Variants in EI24 observed in about 807,000 individuals in gnomAD.
EI24 encodes EI24 autophagy associated transmembrane protein, also known as etoposide-induced protein 2.4 homolog.
A neutral mutation model predicts 48.6 loss-of-function variants in EI24; 21 were observed. The ratio of observed to expected loss-of-function variants is 0.43; its 90% CI spans 0.31 to 0.62. The LOEUF (loss-of-function observed/expected upper bound fraction) is 0.62. EI24 is among the 20% of genes least tolerant of loss of function. EI24 has a pLI of 0.10. For synonymous variants in EI24, 114 were observed against 145.5 expected, an observed-to-expected ratio of 0.78 and a Z score of 1.56; for missense variants, 280 against 410.5, an observed-to-expected ratio of 0.68 and a Z score of 2.75.
rs911177048 is a variant in EI24, at chr11:125,583,914, A to G, written c.*231A>G. ...ATCACCGTGAGTCTGAAAGGACCACAGGTTTTTCTGCAGCTATTTTCTAGC... is the reference window on the plus strand; with the variant it reads ...ATCACCGTGAGTCTGAAAGGACCACGGGTTTTTCTGCAGCTATTTTCTAGC... On this transcript the variant is annotated 3_prime_UTR_variant, in exon 11 of 11. Coordinates refer to ENST00000278903, the MANE Select transcript of EI24 (RefSeq NM_004879.5). 13 of 554,062 alleles carry G rather than the reference A, an allele frequency of 2.3e-5. No homozygotes were observed. The African/African-American group carries it at 2.5e-4, about 11-fold the overall frequency. The allele number at this position is 554,062 out of a possible 1,614,324, so 34.3% of individuals were successfully genotyped here. A position where few individuals can be genotyped will look rare whatever the true frequency, so the allele number is the denominator to read the frequency against.
In EI24 at chr11:125,571,191, T is replaced by G. The variant is rs1224429184; in HGVS notation, c.-70-1267T>G. ...GGGAAAGTGTGCTTATATTTTGAAA[T>G]TTAAGGTTTGTACAAGCTGCTTGTG... On this transcript the variant is annotated intron_variant, in intron 1 of 10. Coordinates refer to ENST00000278903, the MANE Select transcript of EI24 (RefSeq NM_004879.5). Among the ~76,000 whole-genome samples, 3 of 152,328 alleles carry G rather than the reference T, an allele frequency of 2.0e-5. 1 individual carries two copies. The highest frequency in any genetic ancestry group is 4.1e-4 in the South Asian group (2 of 4,832).
chr11:125,572,162 C>T (rs987414473), intron 1 of EI24, among the ~76,000 whole-genome samples: 11 of 152,038 alleles, frequency 7.2e-5, no homozygotes, highest in African/African-American at 2.7e-4. Flanking sequence ...CATTGAGGCT[C>T]AGAGGAGGTT....
rs551212807 is a variant in EI24, at chr11:125,582,707, TTAAAA to T, written c.860+289_860+293del. Among the ~76,000 whole-genome samples the T allele has an allele frequency of 1.8e-3, 276 of 152,328 alleles. 8 individuals are homozygous for T. The highest frequency in any genetic ancestry group is 0.018 in the Admixed American group (272 of 15,298). On this transcript the variant is annotated intron_variant, in intron 10 of 10. Coordinates refer to ENST00000278903, the MANE Select transcript of EI24 (RefSeq NM_004879.5). ...ATTGATAACAGTAGTAAAATATACT[TTAAAA>T]TGAGTTTTTAGCAATAATAATAGCA...
rs377515763 is a variant in EI24, at chr11:125,583,641, G to A, written c.981G>A (p.Pro327=). ...SSTSAEKFPS[P]HPSPAKLKAT... ...CTTCTGCAGAGAAGTTCCCTTCACC[G>A]CATCCGTCGCCTGCCAAACTGAAGG... The change falls in exon 11 of 11, where the codon CCG becomes CCA. Residue 327 remains proline, a synonymous_variant. Transcript: ENST00000278903. 28 of 1,613,100 alleles carry A rather than the reference G, an allele frequency of 1.7e-5. No homozygotes were observed. Among genetic ancestry groups the A allele is most frequent in the East Asian group, 8.9e-5 (4 of 44,830 alleles).
At chr11:125,575,531 T>TC in intron 3 of EI24, 123 bp downstream of exon 3, 2 of 1,154,786 alleles carry the variant, frequency 1.7e-6, no homozygotes, top group East Asian at 3.0e-5. Context: ...GCAAGTGATT[T>TC]CCCCCCAACA....
chr11:125,579,380 G>T (rs1255565928), intron 7 of EI24, among the ~76,000 whole-genome samples: 2 of 150,968 alleles, frequency 1.3e-5, no homozygotes, highest in African/African-American at 4.9e-5. Context: ...GAGACAGACG[G>T]GTCGGCTGGG....
At chr11:125,577,899 G>T in intron 5 of EI24, 1 of 591,502 alleles carries the variant, frequency 1.7e-6, no homozygotes, top group Non-Finnish European at 3.0e-6. Flanking sequence ...TTACCATCAT[G>T]TAAGCAGGTT....
At chr11:125,571,398 T>C (rs923070283) in intron 1 of EI24, among the ~76,000 whole-genome samples, 1 of 152,204 alleles carries the variant, frequency 6.6e-6, no homozygotes, top group African/African-American at 2.4e-5. Context: ...CAAGTATTTC[T>C]CACATGAACT....
intron 1 of EI24, among the ~76,000 whole-genome samples, chr11:125,571,972 G>A (rs1275009296): frequency 6.6e-6 from 1 of 152,220 alleles, no homozygotes; most frequent in Non-Finnish European, 1.5e-5. Context: ...GGCTCTGTAT[G>A]ACTGAAGCAT....
rs1939107595 is a variant in EI24 at position 125,583,707 on chromosome 11, G to A, written c.*24G>A. ...GAGTTGCCTGCCATCCAAAGGGGAT[G>A]GGCGGGATTGGAAGAAGCTGTGGCA... On this transcript the variant is annotated 3_prime_UTR_variant, in exon 11 of 11. Coordinates refer to ENST00000278903, the MANE Select transcript of EI24 (RefSeq NM_004879.5). 6.2e-7 allele frequency: 1 copy of A among 1,603,942 alleles called. No homozygotes were observed. Among genetic ancestry groups the A allele is most frequent in the African/African-American group, 1.3e-5 (1 of 74,742 alleles).
chr11:125,575,392 G>C lies in EI24; in HGVS notation c.172G>C (p.Glu58Gln), dbSNP rs763226051. 1.3e-6 allele frequency: 2 copies of C among 1,593,636 alleles called. No individual in the cohort carries two copies. The highest frequency in any genetic ancestry group is 1.1e-5 in the South Asian group (1 of 87,420). Residue 58 changes from glutamate (E) to glutamine (Q), a missense_variant, in exon 3 of 11, where the codon GAG (glutamate) becomes CAG (glutamine). Physicochemically the swap from Glu to Gln is conservative, Grantham distance 29 (BLOSUM62 2). Coordinates refer to ENST00000278903, the MANE Select transcript of EI24 (RefSeq NM_004879.5). Reference protein sequence around the residue: ...VLAQRRAQSIERKQESEPRIV... With the variant: ...VLAQRRAQSIQRKQESEPRIV... ...GGCACAGAGAAGAGCCCAGAGTATA[G>C]AGCGGAAGCAAGAGAGGTAAGGAGT...
rs1176987567 is a variant in EI24, at chr11:125,575,407, A to C, written c.187A>C (p.Ser63Arg). 4 of 1,587,580 alleles carry C rather than the reference A, an allele frequency of 2.5e-6. No homozygotes were observed. In the East Asian group the frequency reaches 9.1e-5, roughly 36 times the overall value. Residue 63 changes from serine (S) to arginine (R), a missense_variant and splice_region_variant, in exon 3 of 11, where the codon AGT becomes CGT. Ser to Arg is a moderately radical substitution (Grantham distance 110). Around this residue, in one of 3 missense-constraint regions of EI24, gnomAD observed 204 missense variants for 294.1 expected, o/e 0.69. Coordinates refer to ENST00000278903, the MANE Select transcript of EI24 (RefSeq NM_004879.5). ...RAQSIERKQE[S>R]EPRIVSRIFQ... ...CCAGAGTATAGAGCGGAAGCAAGAG[A>C]GGTAAGGAGTGCATGCCTGATATCA...
chr11:125,579,215 T>TC, intron 7 of EI24, 147 bp downstream of exon 7: 1 of 710,338 alleles, frequency 1.4e-6, no homozygotes, highest in Admixed American at 4.2e-5. Flanking sequence ...AATCTTTTTT[T>TC]CCCCACGGAA....
At position 125,582,327 on chromosome 11, in the gene EI24, T is replaced by TTC; in HGVS notation, c.786-18_786-17insCT. 1 of 1,255,078 alleles carries TTC rather than the reference T, an allele frequency of 8.0e-7. No individual in the cohort carries two copies. The highest frequency in any genetic ancestry group is 1.1e-6 in the Non-Finnish European group (1 of 941,014). 77.7% of individuals were successfully genotyped at this position (1,255,078 alleles called of 1,614,324 possible). A position where few individuals can be genotyped will look rare whatever the true frequency, so the allele number is the denominator to read the frequency against. On this transcript the variant is annotated intron_variant, in intron 9 of 10. Coordinates refer to ENST00000278903, the MANE Select transcript of EI24 (RefSeq NM_004879.5). ...GTTATGAAGGTGACTAATTATTTCTTTTTTTTTTTTTTAAACAGTGGCTGC... is the reference window on the plus strand; with the variant it reads ...GTTATGAAGGTGACTAATTATTTCTTTCTTTTTTTTTTTTAAACAGTGGCTGC...
chr11:125,569,800 G>T, intron 1 of EI24: 1 of 271,320 alleles, frequency 3.7e-6, no homozygotes, highest in Non-Finnish European at 6.9e-6. Flanking sequence ...GACCCGGAGC[G>T]TGCGTGATCC....
chr11:125,572,328 CTA>C, intron 1 of EI24, 128 bp from the exon 2 acceptor site: 1 of 579,932 alleles, frequency 1.7e-6, no homozygotes, highest in Admixed American at 2.9e-5. Flanking sequence ...TTGATTCACT[CTA>C]TTAGTGCTAG....
chr11:125,573,648 A>C (rs1938614926), intron 2 of EI24: 2 of 162,588 alleles, frequency 1.2e-5, no homozygotes, highest in Admixed American at 1.2e-4. Flanking sequence ...GTATCTTAGA[A>C]GGTCTAAAAA....
At chr11:125,579,384 G>T (rs1308877618) in intron 7 of EI24, among the ~76,000 whole-genome samples, 2 of 150,230 alleles carry the variant, frequency 1.3e-5, no homozygotes, top group African/African-American at 2.5e-5. Flanking sequence ...CAGACGGGTC[G>T]GCTGGGCGCA....
intron 9 of EI24, among the ~76,000 whole-genome samples, chr11:125,581,537 CTTTTTTTTTTTTTTT>C (rs33956827): frequency 2.0e-5 from 1 of 50,752 alleles, no homozygotes; most frequent in Non-Finnish European, 3.4e-5. Context: ...AGCAATTATT[CTTTTTTTTTTTTTTT>C]TTTTTTTTTT....
Sources: gnomAD v4.1 joint callset for allele counts (sites outside exome capture counted in the v4.1 genomes callset) on GRCh38, gnomAD v4.1.1 for gene constraint, gnomAD v4.1.1 regional missense constraint, MANE v1.5 for transcripts, NCBI Gene and HGNC (gene_info 2026-07-23, HGNC 2026-07-21) for gene names.